The following CSRP2 variants were observed in gnomAD, a reference collection of about 807,000 sequenced individuals.
CSRP2 encodes the protein cysteine and glycine-rich protein 2.
A neutral mutation model predicts 24.6 loss-of-function variants in CSRP2; 18 were observed. That is an observed-to-expected ratio of 0.73 (90% confidence interval 0.51 to 1.09). CSRP2 has a LOEUF of 1.09. CSRP2 is among the 50% of genes least tolerant of loss of function. The probability of loss-of-function intolerance (pLI) is 0.00; values close to 1 mark genes in which losing one functional copy is unlikely to be tolerated. For missense variants in CSRP2, 215 were observed against 239.4 expected, an observed-to-expected ratio of 0.90 and a Z score of 0.67; for synonymous variants, 87 against 84.3, an observed-to-expected ratio of 1.03 and a Z score of -0.18.
In CSRP2 at chr12:76,867,477, C is replaced by A. The variant is rs555577100; in HGVS notation, c.-1-1216G>T. 5.7e-3 allele frequency among the ~76,000 whole-genome samples: 862 copies of A among 152,236 alleles called. 10 individuals are homozygous for A. The highest frequency in any genetic ancestry group is 0.02 in the African/African-American group (838 of 41,544). ...TGAGCGAAGATTGTACCACTGCACT[C>A]CAGCCTGGGCGACAGAGCGAGACTC... On this transcript the variant is annotated intron_variant, in intron 1 of 5. Coordinates refer to ENST00000311083, the MANE Select transcript of CSRP2 (RefSeq NM_001321.3).
intron 2 of CSRP2, chr12:76,864,742 A>G (rs958467570): frequency 3.3e-5 from 5 of 152,140 alleles, no homozygotes; most frequent in African/African-American, 9.7e-5. Flanking sequence ...TTAGTCTATT[A>G]TCTTAAACTA....
intron 1 of CSRP2, among the ~76,000 whole-genome samples, chr12:76,872,839 T>G (rs1441236264): frequency 6.6e-6 from 1 of 152,130 alleles, no homozygotes; most frequent in Non-Finnish European, 1.5e-5. Flanking sequence ...CATTAAACTC[T>G]CCGCTCCTTA....
chr12:76,876,674 G>A (rs1953854765), intron 1 of CSRP2, among the ~76,000 whole-genome samples: 1 of 152,206 alleles, frequency 6.6e-6, no homozygotes, highest in African/African-American at 2.4e-5. Context: ...CCAAGGGATG[G>A]CATGCTGGCA....
intron 2 of CSRP2, 79 bp from the exon 3 acceptor site, chr12:76,863,423 G>T: frequency 7.0e-7 from 1 of 1,424,442 alleles, no homozygotes; most frequent in Non-Finnish European, 9.6e-7. Flanking sequence ...CAGACACATG[G>T]CCTACAAATG....
At chr12:76,863,619 C>T (rs572377449) in intron 2 of CSRP2, 1 of 319,440 alleles carries the variant, frequency 3.1e-6, no homozygotes, top group Non-Finnish European at 5.7e-6. Flanking sequence ...TAGTTTGTTT[C>T]GTTTATTTTT....
At chr12:76,866,955 G>A (rs1953741928) in intron 1 of CSRP2, among the ~76,000 whole-genome samples, 1 of 152,150 alleles carries the variant, frequency 6.6e-6, no homozygotes. Context: ...AGGCCCACTA[G>A]TGCAGCCAGC....
chr12:76,859,697 T>C, intron 4 of CSRP2, 57 bp from the exon 5 acceptor site: 2 of 1,305,984 alleles, frequency 1.5e-6, no homozygotes, highest in Non-Finnish European at 2.2e-6. Context: ...CAGTTCAATT[T>C]AGATGTATGG....
chr12:76,860,507 G>T, intron 3 of CSRP2, 94 bp from the exon 4 acceptor site: 2 of 1,426,548 alleles, frequency 1.4e-6, no homozygotes. Context: ...GGACTTAACC[G>T]CTACACTGCC....
At chr12:76,861,036 G>T (rs1953671484) in intron 3 of CSRP2, 1 of 151,990 alleles carries the variant, frequency 6.6e-6, no homozygotes, top group African/African-American at 2.4e-5. Context: ...CTCTGGTAAG[G>T]GTGGTATTTT....
intron 2 of CSRP2, 36 bp downstream of exon 2, chr12:76,866,113 A>G (rs1402880170): frequency 2.0e-6 from 3 of 1,521,250 alleles, no homozygotes; most frequent in Non-Finnish European, 2.7e-6. Context: ...TGTACATACA[A>G]ATTCCGTCAA....
At chr12:76,872,507 T>C (rs757578724) in intron 1 of CSRP2, among the ~76,000 whole-genome samples, 1 of 152,242 alleles carries the variant, frequency 6.6e-6, no homozygotes, top group Non-Finnish European at 1.5e-5. Context: ...ATGTGGGCCA[T>C]GCAAATGCCC....
At chr12:76,862,996 A>C in intron 3 of CSRP2, 180 bp downstream of exon 3, 3 of 1,446,216 alleles carry the variant, frequency 2.1e-6, no homozygotes, top group Non-Finnish European at 2.7e-6. Context: ...GGAATTATTA[A>C]TAAGAACTTT....
intron 1 of CSRP2, among the ~76,000 whole-genome samples, chr12:76,876,112 C>T (rs1049916730): frequency 4.6e-5 from 7 of 152,172 alleles, no homozygotes; most frequent in African/African-American, 1.7e-4. Context: ...GGATTCAATT[C>T]TCTCTGCTTA....
intron 3 of CSRP2, chr12:76,862,598 G>C: frequency 1.8e-6 from 1 of 541,476 alleles, no homozygotes; most frequent in Non-Finnish European, 2.8e-6. Flanking sequence ...TATTTAACCT[G>C]AATATGAAAT....
intron 1 of CSRP2, among the ~76,000 whole-genome samples, chr12:76,874,495 TA>T (rs565398902): frequency 1.6e-3 from 247 of 152,334 alleles, no homozygotes; most frequent in African/African-American, 5.5e-3. Flanking sequence ...ATAAAGTTTG[TA>T]AAGTACCTGG....
rs1953878486 is a variant in CSRP2 at position 76,878,928 on chromosome 12, C to G, written c.-2+10G>C. On this transcript the variant is annotated intron_variant, in intron 1 of 5. Coordinates refer to ENST00000311083, the MANE Select transcript of CSRP2 (RefSeq NM_001321.3). ...CGGCGCCGCGGAACCGCCCCACCGC[C>G]CCTACTCACTTGAGTCGGAGGCGGG... 2 of 152,308 alleles carry G rather than the reference C, an allele frequency of 1.3e-5. No homozygotes were observed. The highest frequency in any genetic ancestry group is 2.4e-5 in the African/African-American group (1 of 41,450). The allele number at this position is 152,308 out of a possible 1,614,324, so 9.4% of individuals were successfully genotyped here.
chr12:76,863,545 G>C (rs757209878), intron 2 of CSRP2: 13 of 480,428 alleles, frequency 2.7e-5, no homozygotes, highest in Non-Finnish European at 4.0e-5. Context: ...ATTCCTCCAT[G>C]GATATGACAG....
intron 1 of CSRP2, among the ~76,000 whole-genome samples, chr12:76,870,149 G>A (rs896541137): frequency 6.6e-6 from 1 of 152,186 alleles, no homozygotes; most frequent in African/African-American, 2.4e-5. Context: ...ATTAGAAAGT[G>A]AACTGTTAAT....
chr12:76,862,923 C>T, intron 3 of CSRP2: 1 of 1,514,924 alleles, frequency 6.6e-7, no homozygotes, highest in Non-Finnish European at 8.8e-7. Flanking sequence ...AAATCACTTG[C>T]TTTTGAGAAC....
Sources: gnomAD v4.1 joint callset for allele counts (sites outside exome capture counted in the v4.1 genomes callset) on GRCh38, gnomAD v4.1.1 for gene constraint, MANE v1.5 for transcripts, NCBI Gene and HGNC (gene_info 2026-07-23, HGNC 2026-07-21) for gene names.